LUC7L3: variants seen among roughly 807,000 people sequenced by gnomAD.
The protein encoded by LUC7L3 is luc7-like protein 3.
A neutral mutation model predicts 66.8 loss-of-function variants in LUC7L3; 6 were observed. That is an observed-to-expected ratio of 0.09 (90% CI 0.05 to 0.18). LUC7L3 has a LOEUF of 0.18. LUC7L3 is among the 10% of genes least tolerant of loss of function. The probability of loss-of-function intolerance (pLI) is 1.00; values close to 1 mark genes in which losing one functional copy is unlikely to be tolerated. For missense variants in LUC7L3, 341 were observed against 531.1 expected, an observed-to-expected ratio of 0.64 and a Z score of 3.52; for synonymous variants, 160 against 174.7, an observed-to-expected ratio of 0.92 and a Z score of 0.66.
rs1477464257 is a variant in LUC7L3, at chr17:50,746,556, G to A, written c.992G>A (p.Arg331Gln). Reference sequence around the variant, plus strand: ...AAATTATTAAGAAGTAGAGATCGACGAAGAAGCAGAAGCCATGATCGATCA... The same window carrying A: ...AAATTATTAAGAAGTAGAGATCGACAAAGAAGCAGAAGCCATGATCGATCA... ...ERRRSRSRDRRRSRSHDRSER... is the reference protein window; with the variant it reads ...ERRRSRSRDRQRSRSHDRSER... Residue 331 changes from arginine (R) to glutamine (Q), a missense_variant, in exon 9 of 10, where the codon CGA (arginine) becomes CAA (glutamine). By Grantham distance (43) the Arg-to-Gln change is conservative. Around this residue, in one of 6 missense-constraint regions of LUC7L3, gnomAD observed 210 missense variants for 238.1 expected, o/e 0.88. Coordinates refer to ENST00000505658, the MANE Select transcript of LUC7L3 (RefSeq NM_016424.5). 9 of 1,612,464 alleles carry A rather than the reference G, an allele frequency of 5.6e-6. No individual in the cohort carries two copies. Among genetic ancestry groups the A allele is most frequent in the Non-Finnish European group, 5.9e-6 (7 of 1,179,638 alleles).
chr17:50,725,926 G>A (rs1353714839), intron 1 of LUC7L3, among the ~76,000 whole-genome samples: 2 of 152,134 alleles, frequency 1.3e-5, no homozygotes, highest in Non-Finnish European at 1.5e-5. Context: ...AGTAATAACT[G>A]CATAAAATTA....
intron 1 of LUC7L3, among the ~76,000 whole-genome samples, chr17:50,725,626 TTTGAG>T (rs1394289923): frequency 1.3e-5 from 2 of 152,120 alleles, no homozygotes; most frequent in Admixed American, 1.3e-4. Context: ...ACAACACGGG[TTTGAG>T]TTGAGTGTGT....
At chr17:50,734,863 AAC>A (rs1969871167) in intron 1 of LUC7L3, among the ~76,000 whole-genome samples, 1 of 152,204 alleles carries the variant, frequency 6.6e-6, no homozygotes, top group Non-Finnish European at 1.5e-5. Flanking sequence ...ATCTCTCCAA[AAC>A]CCTAGAATGT....
At position 50,751,134 on chromosome 17, in the gene LUC7L3, A is replaced by G; in HGVS notation, c.*473A>G. ...GGCACATGTTGGACTACTTTGTTTT[A>G]ATTAAACTGCTAGTATTTCTTTGTC... On this transcript the variant is annotated 3_prime_UTR_variant, in exon 10 of 10. Coordinates refer to ENST00000505658, the MANE Select transcript of LUC7L3 (RefSeq NM_016424.5). 1 of 1,464,586 alleles carries G rather than the reference A, an allele frequency of 6.8e-7. No individual in the cohort carries two copies. The highest frequency in any genetic ancestry group is 9.0e-7 in the Non-Finnish European group (1 of 1,115,408). The allele number at this position is 1,464,586 out of a possible 1,614,324, so 90.7% of individuals were successfully genotyped here.
chr17:50,724,119 A>G, intron 1 of LUC7L3: 2 of 310,974 alleles, frequency 6.4e-6, no homozygotes, highest in Non-Finnish European at 1.3e-5. Flanking sequence ...CAATATTAGC[A>G]CATAGTCAAT....
At chr17:50,726,990 G>T (rs1333855751) in intron 1 of LUC7L3, among the ~76,000 whole-genome samples, 1 of 152,126 alleles carries the variant, frequency 6.6e-6, no homozygotes, top group African/African-American at 2.4e-5. Flanking sequence ...TCAGGAGGCT[G>T]AGGCAGGAGA....
At chr17:50,744,590 A>G (rs2146765079) in intron 6 of LUC7L3, 62 bp from the exon 7 acceptor site, 2 of 1,456,980 alleles carry the variant, frequency 1.4e-6, no homozygotes, top group East Asian at 4.6e-5. Context: ...AATGTTGAGT[A>G]CTTTCCTGGG....
rs774563324 is a variant in LUC7L3 at position 50,750,672 on chromosome 17, A to T, written c.*11A>T. The stretch of plus-strand genomic sequence containing the variant: ...ACTCAGTCCAATTAAAACTGATCTG[A>T]TAAGACCTCAGATCAGACAGAGGTA... On this transcript the variant is annotated 3_prime_UTR_variant, in exon 10 of 10. Coordinates refer to ENST00000505658, the MANE Select transcript of LUC7L3 (RefSeq NM_016424.5). The T allele has an allele frequency of 1.9e-6, 3 of 1,614,084 alleles. No individual in the cohort carries two copies. Among genetic ancestry groups the T allele is most frequent in the South Asian group, 1.1e-5 (1 of 91,082 alleles).
chr17:50,726,694 G>A (rs1969209788), intron 1 of LUC7L3, among the ~76,000 whole-genome samples: 1 of 152,208 alleles, frequency 6.6e-6, no homozygotes, highest in African/African-American at 2.4e-5. Flanking sequence ...GATAAATACA[G>A]CACTGTAAAT....
At position 50,721,093 on chromosome 17, in the gene LUC7L3, CTT is replaced by C. The variant is rs530504317; in HGVS notation, c.99+1274_99+1275del. ...AGGCATCTTTGTTATAGCGAAGTAACTTTTTTTTTTTTTAACTACCTGACTCT... is the reference window on the plus strand; with the variant it reads ...AGGCATCTTTGTTATAGCGAAGTAACTTTTTTTTTTTAACTACCTGACTCT... On this transcript the variant is annotated intron_variant, in intron 1 of 9. Coordinates refer to ENST00000505658, the MANE Select transcript of LUC7L3 (RefSeq NM_016424.5). Among the ~76,000 whole-genome samples the C allele has an allele frequency of 2.7e-4, 40 of 146,002 alleles. No homozygotes were observed. The South Asian group carries it at 6.7e-3, about 25-fold the overall frequency.
At chr17:50,730,421 G>A (rs1309570975) in intron 1 of LUC7L3, among the ~76,000 whole-genome samples, 1 of 149,804 alleles carries the variant, frequency 6.7e-6, no homozygotes, top group Non-Finnish European at 1.5e-5. Flanking sequence ...GGGAGGCTGA[G>A]GCACGAGAAT....
At chr17:50,743,505 C>T (rs1386671942) in intron 5 of LUC7L3, among the ~76,000 whole-genome samples, 6 of 151,956 alleles carry the variant, frequency 3.9e-5, no homozygotes, top group South Asian at 4.2e-4. Flanking sequence ...CGCGTCTGGC[C>T]GAAAGTGCAT....
intron 2 of LUC7L3, among the ~76,000 whole-genome samples, chr17:50,739,298 T>G (rs1346623765): frequency 6.6e-6 from 1 of 152,090 alleles, no homozygotes; most frequent in Non-Finnish European, 1.5e-5. Flanking sequence ...ATATTTTGAG[T>G]CATATGTGAA....
intron 4 of LUC7L3, 126 bp downstream of exon 4, chr17:50,741,372 AG>A: frequency 1.0e-6 from 1 of 970,832 alleles, no homozygotes; most frequent in Non-Finnish European, 1.5e-6. Context: ...TGAAACTTAT[AG>A]GGCATTCATT....
intron 1 of LUC7L3, chr17:50,723,418 A>G (rs1206110311): frequency 6.6e-6 from 1 of 152,374 alleles, no homozygotes; most frequent in East Asian, 1.9e-4. Flanking sequence ...AGAAAAGGAA[A>G]AATAGCTAAA....
At chr17:50,727,875 A>G (rs528370969) in intron 1 of LUC7L3, among the ~76,000 whole-genome samples, 1 of 151,780 alleles carries the variant, frequency 6.6e-6, no homozygotes, top group South Asian at 2.1e-4. Flanking sequence ...GAAGGCAGAG[A>G]TGGTGGATCA....
chr17:50,751,392 C>G lies in LUC7L3; in HGVS notation c.*731C>G. The G allele has an allele frequency of 3.1e-6, 4 of 1,291,382 alleles. No homozygotes were observed. The South Asian group carries it at 3.7e-5, about 12-fold the overall frequency. The allele number at this position is 1,291,382 out of a possible 1,614,324, so 80.0% of individuals were successfully genotyped here. A position where few individuals can be genotyped will look rare whatever the true frequency, so the allele number is the denominator to read the frequency against. ...TCATGCCAGGTACTCCTTTCTCTACCCACATCCATGTTTGAATGCTATTGC... is the reference window on the plus strand; with the variant it reads ...TCATGCCAGGTACTCCTTTCTCTACGCACATCCATGTTTGAATGCTATTGC... On this transcript the variant is annotated 3_prime_UTR_variant, in exon 10 of 10. Transcript: ENST00000505658.
At chr17:50,744,520 A>G (rs1182455144) in intron 6 of LUC7L3, 132 bp from the exon 7 acceptor site, 3 of 788,888 alleles carry the variant, frequency 3.8e-6, no homozygotes, top group Non-Finnish European at 5.8e-6. Flanking sequence ...CTTGTAGTCC[A>G]ATATTACTGA....
At chr17:50,736,654 A>G (rs988173470) in intron 1 of LUC7L3, 7 of 286,038 alleles carry the variant, frequency 2.4e-5, no homozygotes, top group Admixed American at 1.5e-4. Context: ...TTTTAAAAAT[A>G]TAAAAATTGC....
Sources: allele counts gnomAD v4.1 joint callset (sites outside exome capture counted in the v4.1 genomes callset), GRCh38; gene constraint gnomAD v4.1.1; regional missense constraint gnomAD v4.1.1; transcripts MANE v1.5; gene names NCBI Gene and HGNC (gene_info 2026-07-23, HGNC 2026-07-21).